Variants in TRIM14 observed in about 807,000 individuals in gnomAD.
TRIM14 encodes the protein tripartite motif-containing protein 14.
In TRIM14, 28 loss-of-function variants were observed where a neutral mutation model predicts 44.5. The observed-to-expected ratio is 0.63, with a 90% confidence interval of 0.47 to 0.86. The LOEUF (loss-of-function observed/expected upper bound fraction) is 0.86, where lower values mean the gene tolerates loss of function less well. Ranked by LOEUF, TRIM14 falls within the 40% of genes least tolerant of loss-of-function variation. The pLI, the probability that TRIM14 is intolerant of heterozygous loss-of-function variation, is 0.00. For synonymous variants in TRIM14, 299 were observed against 269.2 expected (o/e 1.11, Z -1.08); for missense variants, 607 against 611.1 (o/e 0.99, Z 0.07).
At chr9:98,118,439 G>A (rs1730017327) in intron 1 of TRIM14, among the ~76,000 whole-genome samples, 1 of 152,164 alleles carries the variant, frequency 6.6e-6, no homozygotes, top group Admixed American at 6.5e-5. Flanking sequence ...AGCAGGAATG[G>A]GAGTGTCTGT....
At chr9:98,100,195 A>C (rs750131116) in intron 2 of TRIM14, 31 bp from the exon 3 acceptor site, 2 of 1,570,800 alleles carry the variant, frequency 1.3e-6, no homozygotes, top group Non-Finnish European at 1.8e-6. Flanking sequence ...TGCAGATGAC[A>C]TGTCTGCCAA....
At chr9:98,061,284 C>A in the TRIM14 span, 321 of 355,546 alleles carry the variant, frequency 9.0e-4, no homozygotes, top group African/African-American at 6.3e-3. Flanking sequence ...CGAGACCAGC[C>A]TGGCCAACAT....
intron 6 of TRIM14, chr9:98,078,437 C>A: frequency 6.9e-7 from 1 of 1,449,018 alleles, no homozygotes; most frequent in Non-Finnish European, 9.4e-7. Flanking sequence ...ACAAACATGG[C>A]ATACTTTATA....
chr9:98,062,083 G>A, the TRIM14 span, among the ~76,000 whole-genome samples: 4 of 151,924 alleles, frequency 2.6e-5, no homozygotes, highest in African/African-American at 7.3e-5. Flanking sequence ...TTAGCCAGGC[G>A]TGGTGGCGTA....
At chr9:98,056,740 G>C in the TRIM14 span, 3 of 1,564,310 alleles carry the variant, frequency 1.9e-6, no homozygotes, top group African/African-American at 4.1e-5. Flanking sequence ...TCACAGAACA[G>C]AGTAGAGGCG....
chr9:98,063,546 T>A, the TRIM14 span, among the ~76,000 whole-genome samples: 2 of 151,882 alleles, frequency 1.3e-5, no homozygotes, highest in Non-Finnish European at 2.9e-5. Flanking sequence ...CTGGCCTAGT[T>A]TTTTTTGTTT....
At chr9:98,106,547 A>G (rs1826618608) in intron 2 of TRIM14, among the ~76,000 whole-genome samples, 1 of 152,176 alleles carries the variant, frequency 6.6e-6, no homozygotes, top group Non-Finnish European at 1.5e-5. Flanking sequence ...TTTTTATACA[A>G]ATATGTCTCA....
intron 2 of TRIM14, among the ~76,000 whole-genome samples, chr9:98,103,871 G>A: frequency 6.7e-6 from 1 of 148,188 alleles, no homozygotes; most frequent in Non-Finnish European, 1.5e-5. Context: ...ACATAGGCCA[G>A]CTCCCTTCCT....
At chr9:98,078,302 C>G in intron 6 of TRIM14, 1 of 1,613,904 alleles carries the variant, frequency 6.2e-7, no homozygotes, top group Admixed American at 1.7e-5. Context: ...AGTGTACCAG[C>G]GCATACCCGC....
At chr9:98,056,748 G>A in the TRIM14 span, 1 of 1,535,980 alleles carries the variant, frequency 6.5e-7, no homozygotes, top group South Asian at 1.2e-5. Context: ...CAGAGTAGAG[G>A]CGGCGGCGGC....
At chr9:98,076,807 C>T in intron 6 of TRIM14, 1 of 805,974 alleles carries the variant, frequency 1.2e-6, no homozygotes, top group Non-Finnish European at 2.0e-6. Flanking sequence ...CTGAGCGTCC[C>T]TCTACTGCCT....
intron 1 of TRIM14, among the ~76,000 whole-genome samples, chr9:98,118,126 T>C (rs901038659): frequency 1.3e-5 from 2 of 151,784 alleles, no homozygotes; most frequent in African/African-American, 4.8e-5. Context: ...TGGAGACAAG[T>C]GGTAGGATCA....
At chr9:98,110,623 C>T (rs1354629030) in intron 1 of TRIM14, among the ~76,000 whole-genome samples, 1 of 152,108 alleles carries the variant, frequency 6.6e-6, no homozygotes, top group Non-Finnish European at 1.5e-5. Context: ...GCCCCATTGA[C>T]TAGGAGCTTC....
chr9:98,105,793 G>A (rs1164612258), intron 2 of TRIM14, among the ~76,000 whole-genome samples: 1 of 152,144 alleles, frequency 6.6e-6, no homozygotes, highest in Non-Finnish European at 1.5e-5. Context: ...CCAGCTGAGA[G>A]TGGAAAGGAG....
chr9:98,088,120 C>G, intron 5 of TRIM14, 115 bp from the exon 6 acceptor site: 1 of 1,222,494 alleles, frequency 8.2e-7, no homozygotes, highest in Non-Finnish European at 1.1e-6. Flanking sequence ...GGAAATGGCC[C>G]AAGGAAGGGG....
intron 1 of TRIM14, among the ~76,000 whole-genome samples, chr9:98,115,590 G>A (rs1273063279): frequency 1.3e-5 from 2 of 151,722 alleles, no homozygotes; most frequent in Non-Finnish European, 2.9e-5. Flanking sequence ...CACCATGTTG[G>A]CCAGGCTGAT....
chr9:98,081,369 A>C, downstream of TRIM14: 2 of 420,836 alleles, frequency 4.8e-6, no homozygotes, highest in East Asian at 4.7e-5. Context: ...TGGCCCCAGT[A>C]CTCCTAGACT....
intron 3 of TRIM14, among the ~76,000 whole-genome samples, chr9:98,098,287 G>T (rs1453962297): frequency 1.3e-5 from 2 of 152,196 alleles, no homozygotes; most frequent in Non-Finnish European, 2.9e-5. Flanking sequence ...AAGCAGATTT[G>T]GCTCTGAACT....
intron 2 of TRIM14, among the ~76,000 whole-genome samples, chr9:98,108,715 T>G (rs2118600566): frequency 6.6e-6 from 1 of 151,832 alleles, no homozygotes; most frequent in African/African-American, 2.4e-5. Flanking sequence ...TACAAACGTC[T>G]TCAGGGTACT....
Sources: allele counts gnomAD v4.1 joint callset (sites outside exome capture counted in the v4.1 genomes callset), GRCh38; gene constraint gnomAD v4.1.1; transcripts MANE v1.5; gene names NCBI Gene and HGNC (gene_info 2026-07-23, HGNC 2026-07-21).